The following CEP55 variants were observed in gnomAD, a reference collection of about 807,000 sequenced individuals.
CEP55 encodes the protein centrosomal protein of 55 kDa.
Under a neutral mutation model 63.2 loss-of-function variants are expected in CEP55, and 57 were observed. The observed-to-expected ratio is 0.90, with a 90% confidence interval of 0.73 to 1.13. The LOEUF is 1.13. CEP55 is among the 50% of genes most tolerant of loss of function. The pLI, the probability that CEP55 is intolerant of heterozygous loss-of-function variation, is 0.00. For synonymous variants in CEP55, 178 were observed against 191.6 expected (o/e 0.93, Z 0.59); for missense variants, 456 against 518.9 (o/e 0.88, Z 1.18).
intron 8 of CEP55, among the ~76,000 whole-genome samples, chr10:93,527,718 A>C (rs1160193606): frequency 8.6e-6 from 1 of 116,074 alleles, no homozygotes; most frequent in East Asian, 1.9e-4. Context: ...CTATTTCTAC[A>C]AAAAATAGAA....
At position 93,522,358 on chromosome 10, in the gene CEP55, G is replaced by A. The variant is rs977672108; in HGVS notation, c.1191+2551G>A. Among the ~76,000 whole-genome samples the A allele has an allele frequency of 3.3e-5, 5 of 152,340 alleles. No homozygotes were observed. The South Asian group carries it at 1.0e-3, about 32-fold the overall frequency. On this transcript the variant is annotated intron_variant, in intron 8 of 8. Transcript: ENST00000371485. ...ATCAATGATGGAAGATCAAATGAATGAAATGAAGTGAGAAGAGAAGTTTTG... is the reference window on the plus strand; with the variant it reads ...ATCAATGATGGAAGATCAAATGAATAAAATGAAGTGAGAAGAGAAGTTTTG...
intron 3 of CEP55, among the ~76,000 whole-genome samples, chr10:93,505,517 A>G (rs999418652): frequency 2.0e-5 from 3 of 152,222 alleles, no homozygotes; most frequent in African/African-American, 7.2e-5. Context: ...ATCAGTCTAC[A>G]GTGTGCCCAG....
At position 93,528,647 on chromosome 10, in the gene CEP55, C is replaced by T. The variant is rs921461189; in HGVS notation, c.*494C>T. ...CTATTTTTTTTTTCATATTGTATAG[C>T]GGTTATTAGAAAAGTTGGGGATTTT... On this transcript the variant is annotated 3_prime_UTR_variant, in exon 9 of 9. Transcript: ENST00000371485. 5.2e-5 allele frequency: 8 copies of T among 154,418 alleles called. No homozygotes were observed. Among genetic ancestry groups the T allele is most frequent in the Non-Finnish European group, 8.6e-5 (6 of 69,914 alleles). The allele number at this position is 154,418 out of a possible 1,614,324, so 9.6% of individuals were successfully genotyped here.
chr10:93,500,657 G>C (rs1046464905), intron 2 of CEP55, among the ~76,000 whole-genome samples: 3 of 152,024 alleles, frequency 2.0e-5, no homozygotes, highest in Non-Finnish European at 4.4e-5. Context: ...GAATATTCTT[G>C]ATAACTTTTG....
chr10:93,525,564 T>C (rs1295155526), intron 8 of CEP55, among the ~76,000 whole-genome samples: 2 of 152,104 alleles, frequency 1.3e-5, no homozygotes, highest in Non-Finnish European at 2.9e-5. Context: ...AATGACTTTC[T>C]TCACAGAATT....
intron 8 of CEP55, among the ~76,000 whole-genome samples, chr10:93,525,605 C>T (rs2057913509): frequency 6.6e-6 from 1 of 151,636 alleles, no homozygotes; most frequent in South Asian, 2.1e-4. Flanking sequence ...TCATATGGAA[C>T]CAAAAAAGAG....
Position 93,519,757 on chromosome 10 carries a change from C to G in CEP55, c.1141C>G (p.Leu381Val), listed in dbSNP as rs2134490631. 5 of 1,614,082 alleles carry G rather than the reference C, an allele frequency of 3.1e-6. No homozygotes were observed. The highest frequency in any genetic ancestry group is 4.2e-6 in the Non-Finnish European group (5 of 1,179,986). The change falls in exon 8 of 9, where the codon CTT becomes GTT. Residue 381 changes from leucine to valine, a missense_variant. Transcript: ENST00000371485. The part of the protein sequence containing the change: ...QHVQHQLHVI[L>V]KELRKARNQI... Reference sequence around the variant, plus strand: ...TGTGCAGCATCAATTGCATGTAATTCTTAAGGAGCTCCGAAAAGCAAGAAA... The same window carrying G: ...TGTGCAGCATCAATTGCATGTAATTGTTAAGGAGCTCCGAAAAGCAAGAAA...
intron 6 of CEP55, among the ~76,000 whole-genome samples, chr10:93,518,269 C>T (rs1786328329): frequency 6.6e-6 from 1 of 152,080 alleles, no homozygotes; most frequent in South Asian, 2.1e-4. Flanking sequence ...TGTGCCTCAG[C>T]CTCCTGAGTA....
At chr10:93,507,257 C>T (rs999082390) in intron 4 of CEP55, among the ~76,000 whole-genome samples, 15 of 143,328 alleles carry the variant, frequency 1.0e-4, no homozygotes, top group African/African-American at 3.3e-4. Context: ...GGCAAAGTCT[C>T]GGTCTGTTGC....
At chr10:93,517,532 C>T (rs1172238621) in intron 6 of CEP55, among the ~76,000 whole-genome samples, 1 of 152,172 alleles carries the variant, frequency 6.6e-6, no homozygotes, top group African/African-American at 2.4e-5. Flanking sequence ...AGGTGGGTGA[C>T]TTTTCCTCTC....
rs558419092 is a variant in CEP55, at chr10:93,519,602, A to T, written c.1066-80A>T. On this transcript the variant is annotated intron_variant, in intron 7 of 8. Transcript: ENST00000371485. ...CAATAAATATTTTCTTCATGTGCTAATAAAAAAATGTGAGCATCCAGTCAA... is the reference window on the plus strand; with the variant it reads ...CAATAAATATTTTCTTCATGTGCTATTAAAAAAATGTGAGCATCCAGTCAA... 9.5e-5 allele frequency: 139 copies of T among 1,466,536 alleles called. 1 individual carries two copies. The East Asian group carries it at 2.1e-3, about 22-fold the overall frequency. The allele number at this position is 1,466,536 out of a possible 1,614,324, so 90.8% of individuals were successfully genotyped here.
At position 93,528,715 on chromosome 10, in the gene CEP55, G is replaced by C. The variant is rs1320348869; in HGVS notation, c.*562G>C. On this transcript the variant is annotated 3_prime_UTR_variant, in exon 9 of 9. Transcript: ENST00000371485. ...CTTACCATTGAAACTTAACCCAGCT[G>C]TGTTCCCCAACTCTGTTCTGCGCAC... is the stretch of plus-strand genomic sequence containing the variant. 1.3e-5 allele frequency: 2 copies of C among 153,266 alleles called. No homozygotes were observed. Among genetic ancestry groups the C allele is most frequent in the East Asian group, 1.9e-4 (1 of 5,194 alleles). 9.5% of individuals were successfully genotyped at this position (153,266 alleles called of 1,614,324 possible).
Position 93,503,256 on chromosome 10 carries a change from A to C in CEP55, c.327A>C (p.Arg109Ser). Reference sequence around the variant, plus strand: ...TTGAACAGCTGGAAGAGACAACGAGAGAAGGAGAAAGGAGGGAGCAGGTGT... The same window carrying C: ...TTGAACAGCTGGAAGAGACAACGAGCGAAGGAGAAAGGAGGGAGCAGGTGT... Reference protein sequence around the residue: ...TLLEQLEETTREGERREQVLK... With the variant: ...TLLEQLEETTSEGERREQVLK... The change falls in exon 3 of 9, where the codon AGA (arginine) becomes AGC (serine). Residue 109 changes from arginine to serine, a missense_variant. Coordinates refer to ENST00000371485, the MANE Select transcript of CEP55 (RefSeq NM_018131.5). 6.2e-7 allele frequency: 1 copy of C among 1,614,168 alleles called. No individual in the cohort carries two copies. Among genetic ancestry groups the C allele is most frequent in the Admixed American group, 1.7e-5 (1 of 60,012 alleles).
chr10:93,502,739 C>T (rs879475857), intron 2 of CEP55, among the ~76,000 whole-genome samples: 6 of 152,038 alleles, frequency 3.9e-5, no homozygotes, highest in Admixed American at 1.3e-4. Context: ...CTTGTGTGAC[C>T]GACTTTTAGC....
Position 93,528,190 on chromosome 10 carries a change from T to A in CEP55, c.*37T>A, listed in dbSNP as rs1179589907. 1 of 1,543,186 alleles carries A rather than the reference T, an allele frequency of 6.5e-7. No homozygotes were observed. Among genetic ancestry groups the A allele is most frequent in the Non-Finnish European group, 8.9e-7 (1 of 1,118,686 alleles). On this transcript the variant is annotated 3_prime_UTR_variant, in exon 9 of 9. Coordinates refer to ENST00000371485, the MANE Select transcript of CEP55 (RefSeq NM_018131.5). ...TTTGTTTTGATATTAAAAGATTCAA[T>A]ACTGTATTTTCTGTTAGCTTGTGGG...
At chr10:93,516,837 A>T (rs2134483376) in intron 5 of CEP55, 98 bp from the exon 6 acceptor site, 1 of 859,658 alleles carries the variant, frequency 1.2e-6, no homozygotes, top group East Asian at 2.7e-5. Flanking sequence ...TTGTAAACTA[A>T]GGAAATAGTG....
chr10:93,521,811 C>T (rs1029827545), intron 8 of CEP55, among the ~76,000 whole-genome samples: 9 of 152,276 alleles, frequency 5.9e-5, no homozygotes, highest in East Asian at 1.9e-4. Context: ...CTGCAGCCTC[C>T]GCTGCTGATA....
chr10:93,509,236 T>A, intron 4 of CEP55, among the ~76,000 whole-genome samples: 1 of 152,194 alleles, frequency 6.6e-6, no homozygotes, highest in East Asian at 1.9e-4. Context: ...TTGTTCTATC[T>A]TCTCAGCTTA....
intron 8 of CEP55, among the ~76,000 whole-genome samples, chr10:93,520,702 T>TCTA (rs2057852089): frequency 6.6e-6 from 1 of 152,150 alleles, no homozygotes; most frequent in Non-Finnish European, 1.5e-5. Flanking sequence ...TAAATTTTAT[T>TCTA]CTACTACTAT....
Sources: allele counts gnomAD v4.1 joint callset (sites outside exome capture counted in the v4.1 genomes callset), GRCh38; gene constraint gnomAD v4.1.1; transcripts MANE v1.5; gene names NCBI Gene and HGNC (gene_info 2026-07-23, HGNC 2026-07-21).